USP6NL: variants seen among roughly 807,000 people sequenced by gnomAD.
USP6NL encodes the protein USP6 N-terminal-like protein.
In USP6NL, 26 loss-of-function variants were observed where a neutral mutation model predicts 61.9. That is an observed-to-expected ratio of 0.42 (90% CI 0.31 to 0.58). The LOEUF is 0.58. Among genes scored for constraint, USP6NL ranks in the 20% least tolerant of loss-of-function variants. USP6NL has a pLI of 0.16. For missense variants in USP6NL, 1,114 were observed against 1,034.3 expected, an observed-to-expected ratio of 1.08 and a Z score of -1.06; for synonymous variants, 432 against 390.1, an observed-to-expected ratio of 1.11 and a Z score of -1.27.
chr10:11,547,633 G>A (rs973461296), intron 2 of USP6NL, among the ~76,000 whole-genome samples: 1 of 149,944 alleles, frequency 6.7e-6, no homozygotes, highest in African/African-American at 2.5e-5. Context: ...TCCGCCTCCC[G>A]GGGTTCACGC....
At chr10:11,479,123 CAT>C (rs1394018430) in intron 14 of USP6NL, among the ~76,000 whole-genome samples, 1 of 152,094 alleles carries the variant, frequency 6.6e-6, no homozygotes, top group Admixed American at 6.5e-5. Context: ...GCACTGAAAA[CAT>C]ATAAATGTTA....
chr10:11,536,856 T>C (rs1263053402), intron 2 of USP6NL, among the ~76,000 whole-genome samples: 1 of 152,246 alleles, frequency 6.6e-6, no homozygotes, highest in Non-Finnish European at 1.5e-5. Context: ...CATATAATCT[T>C]AGAAAAATCA....
intron 7 of USP6NL, among the ~76,000 whole-genome samples, chr10:11,493,980 T>C (rs1217980256): frequency 6.6e-6 from 1 of 152,218 alleles, no homozygotes; most frequent in African/African-American, 2.4e-5. Flanking sequence ...CTGGGCCCCC[T>C]GTTTCCTGGT....
intron 2 of USP6NL, among the ~76,000 whole-genome samples, chr10:11,550,006 T>C (rs1836424447): frequency 2.0e-5 from 3 of 152,206 alleles, no homozygotes; most frequent in South Asian, 4.1e-4. Context: ...AGGCTCAAAG[T>C]TGCCAACATA....
At position 11,513,097 on chromosome 10, in the gene USP6NL, T is replaced by C. The variant is rs1316285897; in HGVS notation, c.196-3422A>G. Reference sequence around the variant, plus strand: ...TTCATGTTTTTATCACCTAAAACAGTGGTTGTTATATAAGAAAAGTTAAAC... The same window carrying C: ...TTCATGTTTTTATCACCTAAAACAGCGGTTGTTATATAAGAAAAGTTAAAC... On this transcript the variant is annotated intron_variant, in intron 5 of 14. Coordinates refer to ENST00000609104, the MANE Select transcript of USP6NL (RefSeq NM_014688.5). This position sits in a 1 kb window ranked among gnomAD's most constrained non-coding sequence, Gnocchi z 4.7. Among the ~76,000 whole-genome samples, 1 of 152,230 alleles carries C rather than the reference T, an allele frequency of 6.6e-6. No individual in the cohort carries two copies. Among genetic ancestry groups the C allele is most frequent in the African/African-American group, 2.4e-5 (1 of 41,464 alleles).
intron 5 of USP6NL, among the ~76,000 whole-genome samples, chr10:11,516,534 C>A (rs1165225099): frequency 6.6e-6 from 1 of 152,094 alleles, no homozygotes; most frequent in African/African-American, 2.4e-5. Flanking sequence ...AGGCTTCCAG[C>A]CTTAGGCTGT....
intron 10 of USP6NL, among the ~76,000 whole-genome samples, chr10:11,488,742 A>G (rs1014183306): frequency 4.6e-5 from 7 of 152,242 alleles, no homozygotes; most frequent in African/African-American, 1.4e-4. Context: ...CTAAAATGAT[A>G]ATTTCATGAC....
intron 2 of USP6NL, among the ~76,000 whole-genome samples, chr10:11,581,392 C>T (rs190165459): frequency 6.6e-4 from 101 of 152,382 alleles, no homozygotes; most frequent in Non-Finnish European, 1.3e-3. Flanking sequence ...TATTTGGACT[C>T]TGCTCTAAGC....
chr10:11,500,988 A>T, intron 7 of USP6NL, 113 bp downstream of exon 7: 1 of 822,414 alleles, frequency 1.2e-6, no homozygotes, highest in Non-Finnish European at 1.7e-6. Flanking sequence ...AATGCGATAG[A>T]ATTTTAATAT....
rs111821254 is a variant in USP6NL, at chr10:11,553,845, G to A, written c.5-26278C>T. On this transcript the variant is annotated intron_variant, in intron 2 of 14. Coordinates refer to ENST00000609104, the MANE Select transcript of USP6NL (RefSeq NM_014688.5). The surrounding 1 kb of genome is among the most constrained non-coding windows in gnomAD (Gnocchi z 4.8). ...CGGGAGGCAGAGGATGCAGTGAGCC[G>A]AGATCGTGCCACTCCAGCCTGGGCA... Among the ~76,000 whole-genome samples the A allele has an allele frequency of 0.015, 2,199 of 150,988 alleles. 31 individuals carry two copies. Among genetic ancestry groups the A allele is most frequent in the Non-Finnish European group, 0.021 (1,450 of 67,832 alleles).
chr10:11,593,779 T>C (rs1366379220), intron 2 of USP6NL, among the ~76,000 whole-genome samples: 1 of 152,204 alleles, frequency 6.6e-6, no homozygotes, highest in Non-Finnish European at 1.5e-5. Flanking sequence ...GAGGGTGCCA[T>C]GGCAGTGAGC....
chr10:11,605,914 C>T (rs1838692196), intron 1 of USP6NL, among the ~76,000 whole-genome samples: 1 of 152,064 alleles, frequency 6.6e-6, no homozygotes, highest in Non-Finnish European at 1.5e-5. Context: ...ACTGAGCTCC[C>T]AGAAAGATTA....
At position 11,491,094 on chromosome 10, in the gene USP6NL, G is replaced by C. The variant is rs1833693735; in HGVS notation, c.495-214C>G. Among the ~76,000 whole-genome samples, 1 of 152,144 alleles carries C rather than the reference G, an allele frequency of 6.6e-6. No homozygotes were observed. Among genetic ancestry groups the C allele is most frequent in the Admixed American group, 6.5e-5 (1 of 15,284 alleles). On this transcript the variant is annotated intron_variant, in intron 8 of 14. Transcript: ENST00000609104. This position sits in a 1 kb window ranked among gnomAD's most constrained non-coding sequence, Gnocchi z 4.7. ...TTCATTCTGAAAGGATTTATACCAA[G>C]AAAACACAAAACACTTCAAAATTCC... is the stretch of plus-strand genomic sequence containing the variant.
Position 11,487,279 on chromosome 10 carries a change from C to A in USP6NL, c.665-1368G>T, listed in dbSNP as rs1380958850. On this transcript the variant is annotated intron_variant, in intron 10 of 14. Transcript: ENST00000609104. This position sits in a 1 kb window ranked among gnomAD's most constrained non-coding sequence, Gnocchi z 4.2. Reference sequence around the variant, plus strand: ...CAATTCCACACATTTATAAGTGAAACCACCTTCACACTAGAAAGTAACCTT... The same window carrying A: ...CAATTCCACACATTTATAAGTGAAAACACCTTCACACTAGAAAGTAACCTT... Among the ~76,000 whole-genome samples the A allele has an allele frequency of 6.6e-6, 1 of 152,152 alleles. No homozygotes were observed. Among genetic ancestry groups the A allele is most frequent in the African/African-American group, 2.4e-5 (1 of 41,432 alleles).
chr10:11,479,826 C>A (rs1305224294), intron 14 of USP6NL, among the ~76,000 whole-genome samples: 4 of 152,134 alleles, frequency 2.6e-5, no homozygotes, highest in Non-Finnish European at 5.9e-5. Flanking sequence ...CTGCCCTCCT[C>A]GGCCTCCTGA....
chr10:11,571,857 T>G (rs1837376625), intron 2 of USP6NL, among the ~76,000 whole-genome samples: 1 of 151,004 alleles, frequency 6.6e-6, no homozygotes, highest in South Asian at 2.1e-4. Flanking sequence ...TGTATATACT[T>G]CCTGTTTTTC....
intron 10 of USP6NL, 90 bp from the exon 11 acceptor site, chr10:11,486,001 C>T (rs1314333971): frequency 3.3e-5 from 31 of 939,030 alleles, no homozygotes; most frequent in Non-Finnish European, 4.3e-5. Flanking sequence ...TTGTAACTGT[C>T]AAAAATAAAA....
chr10:11,567,272 T>C (rs939216218), intron 2 of USP6NL, among the ~76,000 whole-genome samples: 2 of 152,236 alleles, frequency 1.3e-5, no homozygotes, highest in African/African-American at 4.8e-5. Context: ...TTCAAGGTCA[T>C]TTCAAGTTTC....
At chr10:11,590,936 T>C (rs1838141623) in intron 2 of USP6NL, among the ~76,000 whole-genome samples, 1 of 152,176 alleles carries the variant, frequency 6.6e-6, no homozygotes, top group South Asian at 2.1e-4. Flanking sequence ...AGGAATTCCT[T>C]GTTTTACCCA....
Sources: allele counts gnomAD v4.1 joint callset (sites outside exome capture counted in the v4.1 genomes callset), GRCh38; gene constraint gnomAD v4.1.1; non-coding constraint Gnocchi (gnomAD v3.1); transcripts MANE v1.5; gene names NCBI Gene and HGNC (gene_info 2026-07-23, HGNC 2026-07-21).